BZW2: variants seen among roughly 807,000 people sequenced by gnomAD.
BZW2 encodes basic leucine zipper and W2 domains 2, also known as eIF5-mimic protein 1.
A neutral mutation model predicts 53.2 loss-of-function variants in BZW2; 23 were observed. The observed-to-expected ratio is 0.43, with a 90% CI of 0.31 to 0.61. The LOEUF (loss-of-function observed/expected upper bound fraction) is 0.61. BZW2 is among the 20% of genes least tolerant of loss of function. The probability of loss-of-function intolerance (pLI) is 0.09; values close to 1 mark genes in which losing one functional copy is unlikely to be tolerated. For missense variants in BZW2, 409 were observed against 503.1 expected, an observed-to-expected ratio of 0.81 and a Z score of 1.79; for synonymous variants, 227 against 186.4, an observed-to-expected ratio of 1.22 and a Z score of -1.77.
intron 4 of BZW2, among the ~76,000 whole-genome samples, chr7:16,682,450 A>G (rs909365642): frequency 6.6e-6 from 1 of 152,142 alleles, no homozygotes; most frequent in Non-Finnish European, 1.5e-5. Flanking sequence ...CTAAGTGGTT[A>G]TATCTTTAAC....
intron 10 of BZW2, among the ~76,000 whole-genome samples, chr7:16,702,749 A>T (rs1370855162): frequency 6.6e-6 from 1 of 152,164 alleles, no homozygotes; most frequent in East Asian, 1.9e-4. Flanking sequence ...CAATTCATTA[A>T]GGTGTGGAGA....
At chr7:16,700,265 T>C (rs566970277) in intron 10 of BZW2, among the ~76,000 whole-genome samples, 3 of 152,226 alleles carry the variant, frequency 2.0e-5, no homozygotes, top group South Asian at 2.1e-4. Flanking sequence ...CTGGAGAACA[T>C]GCAATCCCTG....
rs557936051 is a variant in BZW2 at position 16,672,097 on chromosome 7, G to C, written c.59-2315G>C. On this transcript the variant is annotated intron_variant, in intron 2 of 11. Transcript: ENST00000258761. ...TTTTTTTATCACCCCGGAAACTTCA[G>C]ATAATTGCTTTGTTCCCAGTATTCT... is the stretch of plus-strand genomic sequence containing the variant. Among the ~76,000 whole-genome samples, 18 of 152,208 alleles carry C rather than the reference G, an allele frequency of 1.2e-4. No individual in the cohort carries two copies. In the South Asian group the frequency reaches 3.5e-3, roughly 30 times the overall value.
intron 1 of BZW2, among the ~76,000 whole-genome samples, chr7:16,663,625 A>G (rs1476621275): frequency 3.9e-5 from 6 of 152,126 alleles, no homozygotes; most frequent in Non-Finnish European, 7.4e-5. Flanking sequence ...TTTGGGAGTA[A>G]TTAAATTACT....
At chr7:16,692,107 C>G (rs550126164) in intron 7 of BZW2, among the ~76,000 whole-genome samples, 1 of 152,286 alleles carries the variant, frequency 6.6e-6, no homozygotes, top group East Asian at 1.9e-4. Context: ...ACAAAATTCT[C>G]TTTAACTGTG....
intron 10 of BZW2, among the ~76,000 whole-genome samples, chr7:16,703,853 G>C (rs948787675): frequency 6.6e-6 from 1 of 152,074 alleles, no homozygotes; most frequent in South Asian, 2.1e-4. Flanking sequence ...ATTTTTTGTT[G>C]TTTTTAGAAA....
At chr7:16,689,936 G>A in intron 7 of BZW2, 30 bp downstream of exon 7, 1 of 1,549,432 alleles carries the variant, frequency 6.5e-7, no homozygotes, top group Non-Finnish European at 8.9e-7. Flanking sequence ...AGAGTTGTAT[G>A]TATGATGCCT....
At chr7:16,699,204 G>T (rs1202943477) in intron 10 of BZW2, among the ~76,000 whole-genome samples, 1 of 152,176 alleles carries the variant, frequency 6.6e-6, no homozygotes, top group African/African-American at 2.4e-5. Context: ...AGGAAAATAT[G>T]ATGGCCACCC....
intron 1 of BZW2, among the ~76,000 whole-genome samples, chr7:16,656,745 C>G (rs1317970482): frequency 6.6e-6 from 1 of 152,018 alleles, no homozygotes; most frequent in Non-Finnish European, 1.5e-5. Context: ...CTTCCCTTTC[C>G]TTGTGTACTG....
intron 2 of BZW2, among the ~76,000 whole-genome samples, chr7:16,666,160 T>C (rs1782419651): frequency 6.6e-6 from 1 of 152,130 alleles, no homozygotes; most frequent in South Asian, 2.1e-4. Context: ...AGTGGTGTGA[T>C]GATAGCTCAC....
At chr7:16,674,303 T>TG in intron 2 of BZW2, 109 bp from the exon 3 acceptor site, 1 of 767,406 alleles carries the variant, frequency 1.3e-6, no homozygotes, top group Non-Finnish European at 1.9e-6. Context: ...GGCGATGCTC[T>TG]GTGGATTTTT....
chr7:16,695,661 A>G (rs920733291), intron 8 of BZW2, among the ~76,000 whole-genome samples: 1 of 152,152 alleles, frequency 6.6e-6, no homozygotes, highest in African/African-American at 2.4e-5. Flanking sequence ...TTCTATTTGA[A>G]GTTTTAAAAT....
chr7:16,689,046 C>T (rs766242595), intron 6 of BZW2, among the ~76,000 whole-genome samples: 15 of 151,964 alleles, frequency 9.9e-5, no homozygotes, highest in Non-Finnish European at 1.9e-4. Flanking sequence ...CCCAACATGG[C>T]GAAACCCTGT....
intron 1 of BZW2, among the ~76,000 whole-genome samples, chr7:16,646,924 T>C (rs1781882868): frequency 6.6e-6 from 1 of 152,198 alleles, no homozygotes; most frequent in Admixed American, 6.5e-5. Context: ...TTCTCGGTTC[T>C]CTTTGTAACT....
At chr7:16,705,657 G>C (rs1163345132) in intron 11 of BZW2, among the ~76,000 whole-genome samples, 20 of 143,560 alleles carry the variant, frequency 1.4e-4, no homozygotes, top group South Asian at 4.4e-4. Flanking sequence ...TGCACTCCAG[G>C]CTGGGCAACA....
At chr7:16,670,314 A>C (rs1310339778) in intron 2 of BZW2, among the ~76,000 whole-genome samples, 1 of 152,192 alleles carries the variant, frequency 6.6e-6, no homozygotes, top group Non-Finnish European at 1.5e-5. Flanking sequence ...ACAAGTTTTT[A>C]AGTTGTGTCT....
intron 1 of BZW2, among the ~76,000 whole-genome samples, chr7:16,655,107 C>T (rs1316635504): frequency 1.3e-5 from 2 of 152,062 alleles, no homozygotes; most frequent in Non-Finnish European, 2.9e-5. Flanking sequence ...CTACTTTTTT[C>T]AATGGATTAG....
chr7:16,666,622 C>T (rs892902169), intron 2 of BZW2, among the ~76,000 whole-genome samples: 45 of 152,006 alleles, frequency 3.0e-4, no homozygotes, highest in Admixed American at 2.3e-3. Context: ...AGGCTGGTCT[C>T]GATCTCCTGA....
At chr7:16,685,704 C>T (rs1436432481) in intron 5 of BZW2, among the ~76,000 whole-genome samples, 2 of 152,062 alleles carry the variant, frequency 1.3e-5, no homozygotes, top group African/African-American at 4.8e-5. Flanking sequence ...GAAAGGAACT[C>T]TGCCTGCTCA....
Sources: gnomAD v4.1 joint callset for allele counts (sites outside exome capture counted in the v4.1 genomes callset) on GRCh38, gnomAD v4.1.1 for gene constraint, MANE v1.5 for transcripts, NCBI Gene and HGNC (gene_info 2026-07-23, HGNC 2026-07-21) for gene names.